PTPRA: variants seen among roughly 807,000 people sequenced by gnomAD.
The protein encoded by PTPRA is receptor-type tyrosine-protein phosphatase alpha.
Under a neutral mutation model 104.8 loss-of-function variants are expected in PTPRA, and 25 were observed. The observed-to-expected ratio is 0.24, with a 90% CI of 0.17 to 0.33. PTPRA has a LOEUF of 0.33. Ranked by LOEUF, PTPRA falls within the 10% of genes least tolerant of loss-of-function variation. The probability of loss-of-function intolerance (pLI) is 1.00; values close to 1 mark genes in which losing one functional copy is unlikely to be tolerated. For synonymous variants in PTPRA, 323 were observed against 368.9 expected (o/e 0.88, Z 1.43); for missense variants, 765 against 1,015.3 (o/e 0.75, Z 3.35).
intron 1 of PTPRA, among the ~76,000 whole-genome samples, chr20:2,884,448 T>C (rs888691572): frequency 6.6e-6 from 1 of 152,196 alleles, no homozygotes; most frequent in Non-Finnish European, 1.5e-5. Context: ...TTTGTTACTC[T>C]CTTTTTGATT....
chr20:2,944,968 T>C (rs1482510026), intron 2 of PTPRA, among the ~76,000 whole-genome samples: 1 of 152,204 alleles, frequency 6.6e-6, no homozygotes, highest in Admixed American at 6.6e-5. Flanking sequence ...CCTTTCCGCT[T>C]TTCTGAAACT....
intron 9 of PTPRA, among the ~76,000 whole-genome samples, chr20:2,993,074 A>G (rs1382230403): frequency 6.6e-6 from 1 of 151,802 alleles, no homozygotes; most frequent in Non-Finnish European, 1.5e-5. Context: ...ACAGAGCAAG[A>G]TCTTGTCTCT....
chr20:2,865,108 G>A, the PTPRA span: 5 of 1,614,008 alleles, frequency 3.1e-6, no homozygotes, highest in South Asian at 3.3e-5. The surrounding 1 kb of genome is among the most constrained non-coding windows in gnomAD (Gnocchi z 5.2). Flanking sequence ...TTCCCTCCTG[G>A]TCCCTCATCC....
intron 6 of PTPRA, among the ~76,000 whole-genome samples, chr20:2,977,868 A>G (rs1369220800): frequency 2.0e-5 from 3 of 152,006 alleles, no homozygotes; most frequent in African/African-American, 7.3e-5. Context: ...ACCGAAGTCT[A>G]CTCAGTTACA....
chr20:3,022,026 C>A lies in PTPRA; in HGVS notation c.1162-28C>A, dbSNP rs370795878. 4.2e-5 allele frequency: 67 copies of A among 1,613,254 alleles called. No homozygotes were observed. In the African/African-American group the frequency reaches 7.7e-4, roughly 19 times the overall value. On this transcript the variant is annotated intron_variant, in intron 14 of 23. Transcript: ENST00000399903. This position sits in a 1 kb window ranked among gnomAD's most constrained non-coding sequence, Gnocchi z 4.6. Reference sequence around the variant, plus strand: ...ACTGCCCACCCTTGGGTATCAGGGCCAACACACAGGATCTCCTCACTTCAC... The same window carrying A: ...ACTGCCCACCCTTGGGTATCAGGGCAAACACACAGGATCTCCTCACTTCAC...
intron 5 of PTPRA, among the ~76,000 whole-genome samples, chr20:2,973,128 G>A (rs1249607896): frequency 3.4e-5 from 5 of 148,756 alleles, no homozygotes; most frequent in African/African-American, 4.9e-5. Context: ...TTTACTTTAT[G>A]TCTCCTTTTT....
rs1197273077 is a variant in PTPRA, at chr20:2,910,182, TATATG to T, written c.-128-13020_-128-13016del. On this transcript the variant is annotated intron_variant, in intron 1 of 23. Transcript: ENST00000399903. ...GTCATATATAATATGACGTATAGTA[TATATG>T]ATATATGATATATATACTATATTGT... 4.5e-3 allele frequency among the ~76,000 whole-genome samples: 480 copies of T among 106,608 alleles called. 4 individuals are homozygous for T. Among genetic ancestry groups the T allele is most frequent in the African/African-American group, 0.016 (444 of 28,366 alleles). The allele number at this position is 106,608 out of a possible 152,430, so 69.9% of individuals were successfully genotyped here.
At chr20:2,977,434 C>T (rs1327083091) in intron 6 of PTPRA, among the ~76,000 whole-genome samples, 1 of 151,696 alleles carries the variant, frequency 6.6e-6, no homozygotes, top group Non-Finnish European at 1.5e-5. Flanking sequence ...TCACTTGAGC[C>T]CAGGAGTTCC....
intron 1 of PTPRA, among the ~76,000 whole-genome samples, chr20:2,904,184 A>G (rs562908020): frequency 4.6e-4 from 70 of 152,196 alleles, no homozygotes; most frequent in African/African-American, 1.7e-3. Context: ...AAGTGCTGGG[A>G]TTACAGTTAT....
intron 2 of PTPRA, among the ~76,000 whole-genome samples, chr20:2,941,065 C>A (rs2060898931): frequency 2.0e-5 from 3 of 151,698 alleles, no homozygotes; most frequent in African/African-American, 7.3e-5. Flanking sequence ...CAGTCTCGCT[C>A]TGTCACCCAG....
At chr20:2,975,709 G>T (rs576336529) in intron 6 of PTPRA, among the ~76,000 whole-genome samples, 3 of 152,124 alleles carry the variant, frequency 2.0e-5, no homozygotes, top group South Asian at 2.1e-4. Context: ...CTGAGATGTT[G>T]TGTCTGTGGT....
At chr20:3,031,236 A>T (rs926518003) in intron 20 of PTPRA, among the ~76,000 whole-genome samples, 13 of 152,150 alleles carry the variant, frequency 8.5e-5, no homozygotes, top group Non-Finnish European at 1.3e-4. Context: ...GACATAAGAC[A>T]TAAGAGACTT....
chr20:2,993,337 C>T (rs1206277583), intron 9 of PTPRA, among the ~76,000 whole-genome samples: 2 of 152,140 alleles, frequency 1.3e-5, no homozygotes, highest in African/African-American at 2.4e-5. Flanking sequence ...AGGTGGCAGG[C>T]CACTGTATTT....
At chr20:2,919,711 A>G (rs1237017692) in intron 1 of PTPRA, among the ~76,000 whole-genome samples, 1 of 151,902 alleles carries the variant, frequency 6.6e-6, no homozygotes, top group African/African-American at 2.4e-5. Flanking sequence ...GGGAGGCCAT[A>G]AACAGTTAAA....
At chr20:2,935,288 C>G (rs2060650512) in intron 2 of PTPRA, among the ~76,000 whole-genome samples, 1 of 152,136 alleles carries the variant, frequency 6.6e-6, no homozygotes, top group South Asian at 2.1e-4. Flanking sequence ...ATAATGTCCT[C>G]CAGGTTTATC....
At chr20:2,880,986 G>A (rs1337026541) in intron 1 of PTPRA, among the ~76,000 whole-genome samples, 1 of 151,562 alleles carries the variant, frequency 6.6e-6, no homozygotes, top group East Asian at 1.9e-4. Context: ...CCAGCCTGGG[G>A]GACAGAGGGA....
chr20:2,915,959 G>A (rs2059888977), intron 1 of PTPRA, among the ~76,000 whole-genome samples: 1 of 152,198 alleles, frequency 6.6e-6, no homozygotes, highest in Admixed American at 6.5e-5. Context: ...GGGCCACAGA[G>A]CGAAACTATG....
In PTPRA at chr20:3,022,463, T is replaced by A. The variant is rs547681729; in HGVS notation, c.1329-226T>A. 6.6e-6 allele frequency among the ~76,000 whole-genome samples: 1 copy of A among 152,290 alleles called. No individual in the cohort carries two copies. The highest frequency in any genetic ancestry group is 2.4e-5 in the African/African-American group (1 of 41,544). On this transcript the variant is annotated intron_variant, in intron 15 of 23. Coordinates refer to ENST00000399903, the MANE Select transcript of PTPRA (RefSeq NM_001385305.1). The surrounding 1 kb of genome is among the most constrained non-coding windows in gnomAD (Gnocchi z 4.6). ...AGACCCTGCTATGAAGCCAAAAGAC[T>A]GGGTCAAGTGCTGGCCATGTATTTT...
At chr20:2,952,048 A>T (rs549669168) in intron 3 of PTPRA, among the ~76,000 whole-genome samples, 2 of 152,014 alleles carry the variant, frequency 1.3e-5, no homozygotes, top group Admixed American at 1.3e-4. Flanking sequence ...TGAACCCAGG[A>T]GGCAGAGGTT....
Sources: gnomAD v4.1 joint callset for allele counts (sites outside exome capture counted in the v4.1 genomes callset) on GRCh38, gnomAD v4.1.1 for gene constraint, Gnocchi (gnomAD v3.1) non-coding constraint, MANE v1.5 for transcripts, NCBI Gene and HGNC (gene_info 2026-07-23, HGNC 2026-07-21) for gene names.